GRIK4: variants seen among roughly 807,000 people sequenced by gnomAD.
GRIK4 encodes glutamate ionotropic receptor kainate type subunit 4.
In GRIK4, 40 loss-of-function variants were observed where a neutral mutation model predicts 104.9. The ratio of observed to expected loss-of-function variants is 0.38; its 90% CI spans 0.30 to 0.50. The LOEUF is 0.50. Ranked by LOEUF, GRIK4 falls within the 20% of genes least tolerant of loss-of-function variation. The probability of loss-of-function intolerance (pLI) is 0.93; values close to 1 mark genes in which losing one functional copy is unlikely to be tolerated. For synonymous variants in GRIK4, 485 were observed against 524.9 expected, an observed-to-expected ratio of 0.92 and a Z score of 1.04; for missense variants, 1,047 against 1,308.1, an observed-to-expected ratio of 0.80 and a Z score of 3.08.
intron 3 of GRIK4, among the ~76,000 whole-genome samples, chr11:120,710,553 G>C (rs191867310): frequency 6.6e-6 from 1 of 152,110 alleles, no homozygotes; most frequent in East Asian, 1.9e-4. Flanking sequence ...GCAGTGGTGC[G>C]GGCTCTTTCT....
chr11:120,704,996 A>G (rs971476040), intron 3 of GRIK4, among the ~76,000 whole-genome samples: 1 of 152,212 alleles, frequency 6.6e-6, no homozygotes, highest in Non-Finnish European at 1.5e-5. Context: ...CCAAAGATTA[A>G]TTGGCCATAG....
chr11:120,966,413 C>T (rs1944384728), intron 18 of GRIK4, among the ~76,000 whole-genome samples: 1 of 152,160 alleles, frequency 6.6e-6, no homozygotes, highest in African/African-American at 2.4e-5. Context: ...CATTCTGTTG[C>T]CGAGGCTGGA....
chr11:120,694,272 G>A (rs60377698), intron 3 of GRIK4, among the ~76,000 whole-genome samples: 2,132 of 152,290 alleles, frequency 0.014, 54 homozygotes, highest in African/African-American at 0.048. Flanking sequence ...TAAATGTCAA[G>A]GTACCTTGGT....
intron 3 of GRIK4, among the ~76,000 whole-genome samples, chr11:120,673,037 A>G (rs1950045834): frequency 6.6e-6 from 1 of 152,210 alleles, no homozygotes. Flanking sequence ...GCTTTTGCCC[A>G]GTCGGTATGA....
intron 3 of GRIK4, among the ~76,000 whole-genome samples, chr11:120,742,692 G>A (rs1372213315): frequency 6.6e-6 from 1 of 151,974 alleles, no homozygotes; most frequent in Non-Finnish European, 1.5e-5. Flanking sequence ...CAACCATTGT[G>A]GAAAGCAGTA....
intron 1 of GRIK4, among the ~76,000 whole-genome samples, chr11:120,629,210 G>C (rs781684195): frequency 5.3e-5 from 8 of 152,162 alleles, no homozygotes; most frequent in Non-Finnish European, 1.0e-4. Context: ...AACTGGTATA[G>C]GGCAGTGGTT....
At chr11:120,894,467 G>T (rs577564784) in intron 11 of GRIK4, 10 of 152,274 alleles carry the variant, frequency 6.6e-5, no homozygotes, top group Admixed American at 2.0e-4. Flanking sequence ...CAGCCCAGAG[G>T]GGTGCTTTTT....
intron 11 of GRIK4, among the ~76,000 whole-genome samples, chr11:120,885,029 G>A (rs1244930966): frequency 6.6e-6 from 1 of 152,278 alleles, no homozygotes; most frequent in Non-Finnish European, 1.5e-5. Context: ...GCGCAAAGTT[G>A]TGTTATTAAT....
At chr11:120,823,379 A>T (rs1327494550) in intron 6 of GRIK4, among the ~76,000 whole-genome samples, 2 of 152,330 alleles carry the variant, frequency 1.3e-5, no homozygotes, top group South Asian at 2.1e-4. Flanking sequence ...CATTAGAATT[A>T]TGACATTCCT....
intron 2 of GRIK4, among the ~76,000 whole-genome samples, chr11:120,654,675 T>G (rs1949674915): frequency 6.6e-6 from 1 of 152,226 alleles, no homozygotes; most frequent in Admixed American, 6.5e-5. Flanking sequence ...TATTTATTAT[T>G]GAGTGCTTAC....
chr11:120,929,513 T>G (rs1943435049), intron 13 of GRIK4, among the ~76,000 whole-genome samples: 2 of 152,264 alleles, frequency 1.3e-5, no homozygotes, highest in South Asian at 4.1e-4. Context: ...AGTGAGCAGA[T>G]AATCTAATTT....
chr11:120,807,459 C>G (rs1201929655), intron 4 of GRIK4, among the ~76,000 whole-genome samples: 2 of 152,158 alleles, frequency 1.3e-5, no homozygotes, highest in Non-Finnish European at 2.9e-5. Flanking sequence ...ACTAGAGGCG[C>G]CCTGGTTATC....
rs749124156 is a variant in GRIK4 at position 120,905,404 on chromosome 11, T to C, written c.1387T>C (p.Tyr463His). 5 of 1,614,048 alleles carry C rather than the reference T, an allele frequency of 3.1e-6. No individual in the cohort carries two copies. The highest frequency in any genetic ancestry group is 4.2e-6 in the Non-Finnish European group (5 of 1,179,974). ...KELAEILRFN[Y>H]KIRLVGDGVY... ...GCTGGCAGAGATCCTCCGATTCAAC[T>C]ACAAGATCCGCCTGGTTGGGGATGG... Residue 463 changes from tyrosine to histidine, a missense_variant, in exon 13 of 21, where the codon TAC (tyrosine) becomes CAC (histidine). Coordinates refer to ENST00000527524, the MANE Select transcript of GRIK4 (RefSeq NM_014619.5). This position sits in a 1 kb window ranked among gnomAD's most constrained non-coding sequence, Gnocchi z 5.1.
Position 120,862,027 on chromosome 11 carries a change from C to G in GRIK4, c.813C>G (p.Phe271Leu), listed in dbSNP as rs758640726. 1 of 1,613,618 alleles carries G rather than the reference C, an allele frequency of 6.2e-7. No homozygotes were observed. Among genetic ancestry groups the G allele is most frequent in the African/African-American group, 1.3e-5 (1 of 75,062 alleles). Residue 271 changes from phenylalanine to leucine, a missense_variant, in exon 9 of 21, where the codon TTC (phenylalanine) becomes TTG (leucine). Phe to Leu is a conservative substitution (Grantham distance 22, BLOSUM62 0). This residue lies in a region of GRIK4 where 447 missense variants were observed against 514.9 expected (regional missense o/e 0.87). Coordinates refer to ENST00000527524, the MANE Select transcript of GRIK4 (RefSeq NM_014619.5). ...TCAACATCCTGGGATTTTCCATTTT[C>G]AACCAATCCCATGCTTTCTTCCAAG... ...DRVNILGFSI[F>L]NQSHAFFQEF...
chr11:120,644,352 A>T (rs867359610), intron 1 of GRIK4, among the ~76,000 whole-genome samples: 1 of 152,286 alleles, frequency 6.6e-6, no homozygotes, highest in African/African-American at 2.4e-5. Context: ...AATTATATTT[A>T]TTGATAACTT....
At chr11:120,974,780 T>TA (rs892752888) in intron 19 of GRIK4, among the ~76,000 whole-genome samples, 4 of 152,162 alleles carry the variant, frequency 2.6e-5, no homozygotes, top group Admixed American at 6.5e-5. Flanking sequence ...CCTACCTCGC[T>TA]AAAAAAATGA....
In GRIK4 at chr11:120,610,690, G is replaced by A. The variant is rs532746502; in HGVS notation, c.-158-42995G>A. Among the ~76,000 whole-genome samples the A allele has an allele frequency of 3.9e-5, 6 of 152,290 alleles. No homozygotes were observed. In the South Asian group the frequency reaches 1.2e-3, roughly 32 times the overall value. Reference sequence around the variant, plus strand: ...TTGTGGTCTGCGGAGCTCACTCTAAGTTTTCAAAGGAACGACAGGATAGGA... The same window carrying A: ...TTGTGGTCTGCGGAGCTCACTCTAAATTTTCAAAGGAACGACAGGATAGGA... On this transcript the variant is annotated intron_variant, in intron 1 of 20. Transcript: ENST00000527524.
intron 3 of GRIK4, among the ~76,000 whole-genome samples, chr11:120,691,564 AT>A: frequency 6.6e-6 from 1 of 152,086 alleles, no homozygotes. Flanking sequence ...CCCCAAAAGT[AT>A]TTTTTCCACT....
At chr11:120,838,537 C>T (rs958951770) in intron 8 of GRIK4, among the ~76,000 whole-genome samples, 1 of 152,070 alleles carries the variant, frequency 6.6e-6, no homozygotes, top group East Asian at 1.9e-4. Context: ...AAGAGGAAAT[C>T]ATGATGAAAA....
Sources: allele counts gnomAD v4.1 joint callset (sites outside exome capture counted in the v4.1 genomes callset), GRCh38; gene constraint gnomAD v4.1.1; regional missense constraint gnomAD v4.1.1; non-coding constraint Gnocchi (gnomAD v3.1); transcripts MANE v1.5; gene names NCBI Gene and HGNC (gene_info 2026-07-23, HGNC 2026-07-21).